The following LRRC4C variants were observed in gnomAD, a reference collection of about 807,000 sequenced individuals.
LRRC4C encodes leucine-rich repeat-containing protein 4C.
In LRRC4C, 5 loss-of-function variants were observed where a neutral mutation model predicts 33.6. The ratio of observed to expected loss-of-function variants is 0.15; its 90% CI spans 0.08 to 0.31. The LOEUF is 0.31. Among genes scored for constraint, LRRC4C ranks in the 10% least tolerant of loss-of-function variants. The pLI is 1.00. For synonymous variants in LRRC4C, 329 were observed against 302.0 expected (o/e 1.09, Z -0.93); for missense variants, 560 against 796.7 (o/e 0.70, Z 3.58).
chr11:40,753,540 CT>C (rs34980126), intron 2 of LRRC4C, among the ~76,000 whole-genome samples: 211 of 129,678 alleles, frequency 1.6e-3, no homozygotes, highest in African/African-American at 3.7e-3. Flanking sequence ...CACAGAGGCA[CT>C]TTTTTTTTTT....
rs547939666 is a variant in LRRC4C at position 40,561,065 on chromosome 11, TATC to T, written c.-270+87074_-270+87076del. Among the ~76,000 whole-genome samples, 6 of 152,328 alleles carry T rather than the reference TATC, an allele frequency of 3.9e-5. No homozygotes were observed. In the South Asian group the frequency reaches 1.0e-3, roughly 26 times the overall value. ...TGACAGTTTTATCTTCATGAGGACT[TATC>T]ATCACAAAAATTGATATTGGTCAAA... is the stretch of plus-strand genomic sequence containing the variant. On this transcript the variant is annotated intron_variant, in intron 3 of 6. Transcript: ENST00000528697.
intron 4 of LRRC4C, among the ~76,000 whole-genome samples, chr11:40,250,448 T>C (rs1032561569): frequency 6.6e-6 from 1 of 152,000 alleles, no homozygotes; most frequent in Non-Finnish European, 1.5e-5. Flanking sequence ...TCTCTTTAAA[T>C]TTAATGATAA....
intron 1 of LRRC4C, among the ~76,000 whole-genome samples, chr11:41,148,011 A>T (rs576049960): frequency 6.6e-6 from 1 of 152,116 alleles, no homozygotes; most frequent in African/African-American, 2.4e-5. Context: ...AGGCTAAAGC[A>T]TGAGAATATT....
chr11:40,215,389 C>G (rs1241888358), intron 5 of LRRC4C, among the ~76,000 whole-genome samples: 1 of 152,148 alleles, frequency 6.6e-6, no homozygotes, highest in East Asian at 1.9e-4. Context: ...GAATATCCAT[C>G]TTTCTCTACT....
intron 1 of LRRC4C, among the ~76,000 whole-genome samples, chr11:41,416,939 T>G (rs1021550300): frequency 1.3e-5 from 2 of 152,022 alleles, no homozygotes; most frequent in African/African-American, 4.8e-5. Flanking sequence ...CTAAAGAGTT[T>G]CCCAGTAGCA....
intron 3 of LRRC4C, among the ~76,000 whole-genome samples, chr11:40,539,987 G>A (rs1956637205): frequency 6.6e-6 from 1 of 152,052 alleles, no homozygotes; most frequent in African/African-American, 2.4e-5. Flanking sequence ...TTGTCATGTG[G>A]CTTCAGGAAT....
intron 3 of LRRC4C, among the ~76,000 whole-genome samples, chr11:40,617,707 ATTCT>A (rs1329748518): frequency 6.6e-6 from 1 of 151,620 alleles, no homozygotes; most frequent in Non-Finnish European, 1.5e-5. Flanking sequence ...TGAATTTGGT[ATTCT>A]TTATTATTGG....
chr11:41,004,308 G>C (rs1854583493), intron 1 of LRRC4C, among the ~76,000 whole-genome samples: 1 of 152,052 alleles, frequency 6.6e-6, no homozygotes, highest in Non-Finnish European at 1.5e-5. Context: ...ATTATGACCT[G>C]CCTTCCATCT....
chr11:40,582,730 G>A (rs968392978), intron 3 of LRRC4C, among the ~76,000 whole-genome samples: 6 of 151,614 alleles, frequency 4.0e-5, no homozygotes, highest in African/African-American at 1.5e-4. Flanking sequence ...TTGGCCAGGT[G>A]GGTCTCGAAC....
intron 3 of LRRC4C, among the ~76,000 whole-genome samples, chr11:40,555,681 G>A (rs115017258): frequency 0.012 from 1,857 of 152,164 alleles, 34 homozygotes; most frequent in African/African-American, 0.042. Context: ...TAACACTAAC[G>A]ATAGCTGATG....
intron 1 of LRRC4C, among the ~76,000 whole-genome samples, chr11:41,351,977 C>A (rs1281362344): frequency 2.0e-5 from 3 of 152,036 alleles, no homozygotes; most frequent in Non-Finnish European, 4.4e-5. Context: ...ATCAAGTCTA[C>A]AAAATAAGCA....
At chr11:40,885,789 A>G (rs1215048896) in intron 2 of LRRC4C, among the ~76,000 whole-genome samples, 1 of 152,110 alleles carries the variant, frequency 6.6e-6, no homozygotes, top group Non-Finnish European at 1.5e-5. Context: ...CATTCACCAA[A>G]TGTATTTTGG....
intron 1 of LRRC4C, among the ~76,000 whole-genome samples, chr11:41,310,950 A>G (rs933831689): frequency 6.6e-6 from 1 of 152,234 alleles, no homozygotes; most frequent in African/African-American, 2.4e-5. Context: ...TTTAAAAGAC[A>G]ATATAGCAAT....
intron 3 of LRRC4C, among the ~76,000 whole-genome samples, chr11:40,413,943 A>G (rs1950236843): frequency 2.0e-5 from 3 of 152,064 alleles, no homozygotes; most frequent in South Asian, 2.1e-4. Flanking sequence ...TCTCCTTTAA[A>G]TGGTGAATTT....
chr11:41,001,350 A>G (rs1262890796), intron 1 of LRRC4C, among the ~76,000 whole-genome samples: 1 of 152,192 alleles, frequency 6.6e-6, no homozygotes, highest in East Asian at 1.9e-4. Context: ...GCCATAAATC[A>G]GTTAAATTTC....
At chr11:41,092,537 G>T (rs1181399750) in intron 1 of LRRC4C, among the ~76,000 whole-genome samples, 1 of 152,174 alleles carries the variant, frequency 6.6e-6, no homozygotes, top group Non-Finnish European at 1.5e-5. Flanking sequence ...AGTCCAGGCA[G>T]AATAATCCTA....
intron 2 of LRRC4C, among the ~76,000 whole-genome samples, chr11:40,691,911 A>G (rs1945236682): frequency 6.6e-6 from 1 of 152,004 alleles, no homozygotes. Flanking sequence ...GGTGCATTGG[A>G]TTATTTTTGT....
intron 3 of LRRC4C, among the ~76,000 whole-genome samples, chr11:40,384,025 C>A (rs1239528357): frequency 6.6e-6 from 1 of 150,576 alleles, no homozygotes; most frequent in African/African-American, 2.4e-5. Flanking sequence ...GGTTTCCAAA[C>A]ATTTTCTCCC....
At chr11:40,352,807 A>T (rs1395726084) in intron 3 of LRRC4C, among the ~76,000 whole-genome samples, 1 of 152,054 alleles carries the variant, frequency 6.6e-6, no homozygotes, top group African/African-American at 2.4e-5. Context: ...GCCTGAGAAA[A>T]TATAGCTACT....
Sources: gnomAD v4.1 joint callset for allele counts (sites outside exome capture counted in the v4.1 genomes callset) on GRCh38, gnomAD v4.1.1 for gene constraint, MANE v1.5 for transcripts, NCBI Gene and HGNC (gene_info 2026-07-23, HGNC 2026-07-21) for gene names.